The following ATP2C1 variants were observed in gnomAD, a reference collection of about 807,000 sequenced individuals.
The protein encoded by ATP2C1 is calcium-transporting ATPase type 2C member 1.
In ATP2C1, 31 loss-of-function variants were observed where a neutral mutation model predicts 120.5. The ratio of observed to expected loss-of-function variants is 0.26; its 90% CI spans 0.19 to 0.35. ATP2C1 has a LOEUF of 0.35. Ranked by LOEUF, ATP2C1 falls within the 10% of genes least tolerant of loss-of-function variation. The probability of loss-of-function intolerance (pLI) is 1.00; values close to 1 mark genes in which losing one functional copy is unlikely to be tolerated. For missense variants in ATP2C1, 731 were observed against 1,107.5 expected (o/e 0.66, Z 4.83); for synonymous variants, 351 against 358.7 (o/e 0.98, Z 0.24).
chr3:130,851,078 A>G, intron 1 of ATP2C1: 1 of 404,012 alleles, frequency 2.5e-6, no homozygotes, highest in Non-Finnish European at 4.3e-6. Flanking sequence ...GCAATCAGAA[A>G]GCAAGCAGGC....
At chr3:130,850,734 T>G in exon 1 of ATP2C1, 1 of 580,332 alleles carries the variant, frequency 1.7e-6, no homozygotes, top group Non-Finnish European at 2.9e-6. Context: ...AAACAAATCT[T>G]TAGGCATCTG....
At chr3:130,916,605 C>T (rs982207753) in intron 2 of ATP2C1, among the ~76,000 whole-genome samples, 2 of 151,548 alleles carry the variant, frequency 1.3e-5, no homozygotes, top group Non-Finnish European at 2.9e-5. Context: ...ATTTCTTTTG[C>T]CTTAGCGGGG....
At chr3:130,884,611 A>G (rs2107834177) in intron 1 of ATP2C1, among the ~76,000 whole-genome samples, 1 of 152,314 alleles carries the variant, frequency 6.6e-6, no homozygotes, top group Non-Finnish European at 1.5e-5. Flanking sequence ...TTAAGTCCCC[A>G]GCTATTTTGT....
Position 131,001,865 on chromosome 3 carries a change from C to T in ATP2C1, c.*515C>T, listed in dbSNP as rs2062901251. The T allele has an allele frequency of 1.0e-6, 1 of 985,824 alleles. No homozygotes were observed. The highest frequency in any genetic ancestry group is 1.2e-6 in the Non-Finnish European group (1 of 829,948). The allele number at this position is 985,824 out of a possible 1,614,324, so 61.1% of individuals were successfully genotyped here. A position where few individuals can be genotyped will look rare whatever the true frequency, so the allele number is the denominator to read the frequency against. On this transcript the variant is annotated 3_prime_UTR_variant, in exon 28 of 28. Coordinates refer to ENST00000510168, the MANE Select transcript of ATP2C1 (RefSeq NM_001378687.1). Reference sequence around the variant, plus strand: ...TCTTGTAATGTAAGCAGCTCAGATACCATGTGCTATCATTTTTGTATCAAG... The same window carrying T: ...TCTTGTAATGTAAGCAGCTCAGATATCATGTGCTATCATTTTTGTATCAAG...
rs552840793 is a variant in ATP2C1 at position 131,011,156 on chromosome 3, A to G, written c.2630-4996A>G. Among the ~76,000 whole-genome samples, 10 of 152,306 alleles carry G rather than the reference A, an allele frequency of 6.6e-5. No individual in the cohort carries two copies. In the East Asian group the frequency reaches 9.6e-4, roughly 15 times the overall value. On this transcript the variant is annotated intron_variant, in intron 26 of 26. Transcript: ENST00000328560. Reference sequence around the variant, plus strand: ...TTCTGAAATTCAAATTCAGATGTCAAAAGGTTAATTTGAATTCTTTCCCCA... The same window carrying G: ...TTCTGAAATTCAAATTCAGATGTCAGAAGGTTAATTTGAATTCTTTCCCCA...
chr3:130,958,541 C>A (rs2060680352), intron 11 of ATP2C1, among the ~76,000 whole-genome samples: 1 of 151,964 alleles, frequency 6.6e-6, no homozygotes, highest in African/African-American at 2.4e-5. Flanking sequence ...AAAAACTTGT[C>A]TTAAATGTTC....
chr3:130,972,191 G>T (rs1276213085), intron 17 of ATP2C1, among the ~76,000 whole-genome samples: 1 of 152,178 alleles, frequency 6.6e-6, no homozygotes, highest in Non-Finnish European at 1.5e-5. Flanking sequence ...CTCAGGCCCT[G>T]GCTGACCTGA....
intron 1 of ATP2C1, among the ~76,000 whole-genome samples, chr3:130,857,094 C>G (rs1453584816): frequency 6.6e-6 from 1 of 152,066 alleles, no homozygotes; most frequent in African/African-American, 2.4e-5. Context: ...TTTAATATTT[C>G]TGATTATTAA....
At chr3:130,866,368 C>A (rs2068176912) in intron 1 of ATP2C1, among the ~76,000 whole-genome samples, 1 of 152,114 alleles carries the variant, frequency 6.6e-6, no homozygotes, top group African/African-American at 2.4e-5. Flanking sequence ...AACTTATTTT[C>A]TTTAAGGATA....
chr3:130,978,496 A>C (rs1374804792), intron 18 of ATP2C1, among the ~76,000 whole-genome samples: 1 of 152,122 alleles, frequency 6.6e-6, no homozygotes, highest in Non-Finnish European at 1.5e-5. Context: ...GAGCAAGCTA[A>C]ATGATATTTG....
Position 131,008,790 on chromosome 3 carries a change from C to G in ATP2C1, c.2630-7362C>G, listed in dbSNP as rs575454838. 3.9e-5 allele frequency among the ~76,000 whole-genome samples: 6 copies of G among 152,324 alleles called. No individual in the cohort carries two copies. In the South Asian group the frequency reaches 1.2e-3, roughly 32 times the overall value. On this transcript the variant is annotated intron_variant, in intron 26 of 26. Coordinates refer to the ATP2C1 transcript ENST00000328560. ...CCAATCTCCCAACAGTATATTCTCT[C>G]TTGAATGGATGCTCTTGGTAGCAGA...
chr3:131,004,741 G>A (rs972064922), downstream of ATP2C1, among the ~76,000 whole-genome samples: 1 of 152,228 alleles, frequency 6.6e-6, no homozygotes, highest in African/African-American at 2.4e-5. Flanking sequence ...CTGAGAAGCA[G>A]TAGGACAGTG....
At chr3:130,987,107 TAAAA>T (rs756019367) in intron 20 of ATP2C1, among the ~76,000 whole-genome samples, 3 of 137,076 alleles carry the variant, frequency 2.2e-5, no homozygotes, top group African/African-American at 5.4e-5. Context: ...CTTGGGTAAT[TAAAA>T]AAAAAAAAAA....
At chr3:130,905,170 C>A (rs887639661) in intron 2 of ATP2C1, among the ~76,000 whole-genome samples, 3 of 152,016 alleles carry the variant, frequency 2.0e-5, no homozygotes, top group Non-Finnish European at 2.9e-5. Flanking sequence ...GCCAGGTGTG[C>A]TCCATGCTAC....
At chr3:130,938,963 A>G (rs1377460878) in intron 6 of ATP2C1, among the ~76,000 whole-genome samples, 2 of 152,246 alleles carry the variant, frequency 1.3e-5, no homozygotes, top group Non-Finnish European at 2.9e-5. Flanking sequence ...TGTTATACAC[A>G]TTAAATGCTA....
At chr3:130,942,884 C>T (rs994842073) in intron 8 of ATP2C1, among the ~76,000 whole-genome samples, 14 of 152,076 alleles carry the variant, frequency 9.2e-5, no homozygotes, top group Admixed American at 4.6e-4. Flanking sequence ...AGTTTTCTTC[C>T]CCCTCCCCCA....
Position 130,894,881 on chromosome 3 carries a change from T to C in ATP2C1, c.6+106T>C. The C allele has an allele frequency of 8.3e-7, 1 of 1,203,380 alleles. No homozygotes were observed. Among genetic ancestry groups the C allele is most frequent in the Non-Finnish European group, 1.2e-6 (1 of 805,554 alleles). 74.5% of individuals were successfully genotyped at this position (1,203,380 alleles called of 1,614,324 possible). On this transcript the variant is annotated intron_variant, in intron 2 of 27. Transcript: ENST00000510168. This position sits in a 1 kb window ranked among gnomAD's most constrained non-coding sequence, Gnocchi z 4.5. ...CTTTTTATTTTCGTGAGCTTATTTA[T>C]TTACTGTGTATGTGAAGTGTCCAAG...
At chr3:131,013,388 G>A (rs746862023) in intron 26 of ATP2C1, among the ~76,000 whole-genome samples, 1 of 152,194 alleles carries the variant, frequency 6.6e-6, no homozygotes, top group Admixed American at 6.5e-5. Flanking sequence ...GTCAAAATCT[G>A]TAGTATAAAG....
At chr3:130,986,126 A>AGT (rs987595645) in intron 20 of ATP2C1, among the ~76,000 whole-genome samples, 15 of 150,166 alleles carry the variant, frequency 1.0e-4, no homozygotes, top group Non-Finnish European at 1.3e-4. Context: ...GAGCTGGGGC[A>AGT]GTGTGGATGT....
Sources: allele counts gnomAD v4.1 joint callset (sites outside exome capture counted in the v4.1 genomes callset), GRCh38; gene constraint gnomAD v4.1.1; non-coding constraint Gnocchi (gnomAD v3.1); transcripts MANE v1.5; gene names NCBI Gene and HGNC (gene_info 2026-07-23, HGNC 2026-07-21).